The following PTPRN2 variants were observed in gnomAD, a reference collection of about 807,000 sequenced individuals.
PTPRN2 encodes receptor-type tyrosine-protein phosphatase N2.
A neutral mutation model predicts 118.8 loss-of-function variants in PTPRN2; 74 were observed. That is an observed-to-expected ratio of 0.62 (90% CI 0.52 to 0.76). The LOEUF (loss-of-function observed/expected upper bound fraction) is 0.76. PTPRN2 is among the 30% of genes least tolerant of loss of function. The pLI, the probability that PTPRN2 is intolerant of heterozygous loss-of-function variation, is 0.00. For synonymous variants in PTPRN2, 641 were observed against 608.0 expected (o/e 1.05, Z -0.80); for missense variants, 1,481 against 1,394.4 (o/e 1.06, Z -0.99).
intron 3 of PTPRN2, among the ~76,000 whole-genome samples, chr7:158,313,987 AT>A (rs753779975): frequency 7.9e-5 from 12 of 151,858 alleles, no homozygotes; most frequent in Admixed American, 2.6e-4. Flanking sequence ...GTTTCATTTC[AT>A]CCCAGGACGC....
intron 2 of PTPRN2, among the ~76,000 whole-genome samples, chr7:158,435,940 C>A (rs950567548): frequency 1.3e-5 from 2 of 152,130 alleles, no homozygotes; most frequent in African/African-American, 4.8e-5. Context: ...TGAGGTATTG[C>A]TAATCAATGG....
intron 5 of PTPRN2, among the ~76,000 whole-genome samples, chr7:158,179,711 G>T (rs2150653348): frequency 6.6e-6 from 1 of 152,214 alleles, no homozygotes; most frequent in East Asian, 1.9e-4. Context: ...TCAGAGGCCG[G>T]GCTGGGTTAC....
chr7:158,484,572 A>G (rs906969384), intron 2 of PTPRN2, among the ~76,000 whole-genome samples: 1 of 152,206 alleles, frequency 6.6e-6, no homozygotes, highest in Non-Finnish European at 1.5e-5. Context: ...CATGTTGGCC[A>G]GGCTGGCCGT....
intron 11 of PTPRN2, among the ~76,000 whole-genome samples, chr7:158,052,324 T>A (rs1435691061): frequency 1.3e-5 from 2 of 152,214 alleles, no homozygotes; most frequent in Admixed American, 1.3e-4. Context: ...AACCCAGGTA[T>A]GAAAATTGGA....
intron 11 of PTPRN2, among the ~76,000 whole-genome samples, chr7:157,992,064 G>A (rs562873083): frequency 3.9e-4 from 60 of 152,210 alleles, no homozygotes; most frequent in Non-Finnish European, 6.9e-4. Context: ...CAGCCCATTC[G>A]CCCAGGGAGA....
At chr7:158,405,065 G>A (rs113643075) in intron 2 of PTPRN2, among the ~76,000 whole-genome samples, 2 of 140,940 alleles carry the variant, frequency 1.4e-5, no homozygotes, top group African/African-American at 5.3e-5. Context: ...CCAGCTCCCT[G>A]GCCTCCAGCT....
chr7:157,595,207 G>T, intron 17 of PTPRN2, 31 bp downstream of exon 17: 1 of 1,604,518 alleles, frequency 6.2e-7, no homozygotes, highest in Non-Finnish European at 8.5e-7. Flanking sequence ...CTTCTTTTCA[G>T]AAAGAGAGAT....
rs138601693 is a variant in PTPRN2 at position 157,988,989 on chromosome 7, A to G, written c.1724-90252T>C. On this transcript the variant is annotated intron_variant, in intron 11 of 22. Transcript: ENST00000389418. ...CCAGTTAAATGAAGAAAAAGGCAAG[A>G]CCTAAATCCTGAACTCCTACCGCTA... 2.5e-4 allele frequency among the ~76,000 whole-genome samples: 38 copies of G among 152,294 alleles called. No individual in the cohort carries two copies. In the East Asian group the frequency reaches 3.9e-3, roughly 15 times the overall value.
rs756134570 is a variant in PTPRN2, at chr7:158,133,936, A to T, written c.1297T>A (p.Ser433Thr). 1 of 1,613,902 alleles carries T rather than the reference A, an allele frequency of 6.2e-7. No homozygotes were observed. Among genetic ancestry groups the T allele is most frequent in the Non-Finnish European group, 8.5e-7 (1 of 1,180,022 alleles). ...GTCTCCTCTTCTGAAGACAGGGAAG[A>T]CTCAGGGTGCTCGGACTTCTTCCTC... ...MERKKSEHPE[S>T]SLSSEEETAG... is the part of the protein sequence containing the mutation. Residue 433 changes from serine (S) to threonine (T), a missense_variant, in exon 9 of 23, where the codon TCT becomes ACT. Physicochemically the swap from Ser to Thr is moderately conservative, Grantham distance 58. Around this residue, in one of 3 missense-constraint regions of PTPRN2, gnomAD observed 1,115 missense variants for 994.2 expected, o/e 1.12. Coordinates refer to ENST00000389418, the MANE Select transcript of PTPRN2 (RefSeq NM_002847.5).
intron 10 of PTPRN2, among the ~76,000 whole-genome samples, chr7:158,098,032 C>A (rs1814787958): frequency 6.6e-6 from 1 of 152,106 alleles, no homozygotes; most frequent in South Asian, 2.1e-4. Context: ...CAGCCCACAC[C>A]CCCGTCCGTC....
chr7:158,054,989 G>C (rs971596617), intron 11 of PTPRN2, among the ~76,000 whole-genome samples: 1 of 152,230 alleles, frequency 6.6e-6, no homozygotes, highest in Non-Finnish European at 1.5e-5. Context: ...GGTCAGAGCT[G>C]TGGGCGGTAA....
intron 6 of PTPRN2, 94 bp downstream of exon 6, chr7:158,166,837 C>T (rs1180655502): frequency 1.5e-6 from 2 of 1,363,942 alleles, no homozygotes; most frequent in African/African-American, 1.5e-5. Context: ...GTGTGCAGAC[C>T]CCACGTGTGG....
chr7:158,358,980 C>T (rs1232999238), intron 2 of PTPRN2, among the ~76,000 whole-genome samples: 1 of 152,168 alleles, frequency 6.6e-6, no homozygotes, highest in African/African-American at 2.4e-5. Flanking sequence ...AAAAGGTTTA[C>T]TGAATAAATG....
chr7:157,564,694 C>T (rs540353205), intron 21 of PTPRN2, among the ~76,000 whole-genome samples: 32 of 152,362 alleles, frequency 2.1e-4, no homozygotes, highest in African/African-American at 7.2e-4. Flanking sequence ...TGTTCAACAT[C>T]ACTAGTTGTT....
chr7:157,841,685 T>A (rs1313850334), intron 12 of PTPRN2, among the ~76,000 whole-genome samples: 3 of 152,146 alleles, frequency 2.0e-5, no homozygotes, highest in African/African-American at 7.2e-5. Flanking sequence ...CAGGAGCACG[T>A]GGGACAATAA....
intron 3 of PTPRN2, among the ~76,000 whole-genome samples, chr7:158,286,322 T>A (rs903802479): frequency 6.6e-6 from 1 of 152,246 alleles, no homozygotes; most frequent in Admixed American, 6.5e-5. Flanking sequence ...CTTCTTTTGT[T>A]CCAATTTGGA....
Position 158,237,927 on chromosome 7 carries a change from C to T in PTPRN2, c.278-32654G>A, listed in dbSNP as rs113581593. The stretch of plus-strand genomic sequence containing the variant: ...CAGCACAGAGCCTGCAGGAGTTGCC[C>T]GCAGCCCGGCGGCTGCCATGGAGAT... On this transcript the variant is annotated intron_variant, in intron 3 of 22. Coordinates refer to ENST00000389418, the MANE Select transcript of PTPRN2 (RefSeq NM_002847.5). Among the ~76,000 whole-genome samples the T allele has an allele frequency of 7.3e-3, 1,112 of 152,258 alleles. 9 individuals carry two copies. Among genetic ancestry groups the T allele is most frequent in the Middle Eastern group, 0.014 (4 of 294 alleles).
chr7:157,863,724 CA>C (rs1810413196), intron 12 of PTPRN2: 1 of 152,180 alleles, frequency 6.6e-6, no homozygotes, highest in Admixed American at 6.5e-5. Flanking sequence ...GAAGGTAAAA[CA>C]AGCTCTTATG....
intron 2 of PTPRN2, among the ~76,000 whole-genome samples, chr7:158,441,809 G>A (rs1449469046): frequency 2.2e-5 from 2 of 90,872 alleles, no homozygotes; most frequent in African/African-American, 4.3e-5. Flanking sequence ...CATGGCAGTG[G>A]TGGTGATGGT....
Sources: gnomAD v4.1 joint callset for allele counts (sites outside exome capture counted in the v4.1 genomes callset) on GRCh38, gnomAD v4.1.1 for gene constraint, gnomAD v4.1.1 regional missense constraint, MANE v1.5 for transcripts, NCBI Gene and HGNC (gene_info 2026-07-23, HGNC 2026-07-21) for gene names.